The following DNAI7 variants were observed in gnomAD, a reference collection of about 807,000 sequenced individuals.
DNAI7 encodes cancer susceptibility 1.
In DNAI7, 78 loss-of-function variants were observed where a neutral mutation model predicts 86.6. The observed-to-expected ratio is 0.90, with a 90% confidence interval of 0.75 to 1.09. The LOEUF is 1.09. Among genes scored for constraint, DNAI7 ranks in the 50% least tolerant of loss-of-function variants. The pLI is 0.00. For synonymous variants in DNAI7, 274 were observed against 273.0 expected (o/e 1.00, Z -0.04); for missense variants, 753 against 810.2 (o/e 0.93, Z 0.86).
Position 25,149,663 on chromosome 12 carries a change from G to C in DNAI7, c.550C>G (p.Leu184Val). The C allele has an allele frequency of 6.2e-7, 1 of 1,607,354 alleles. No individual in the cohort carries two copies. The highest frequency in any genetic ancestry group is 8.5e-7 in the Non-Finnish European group (1 of 1,176,720). The stretch of plus-strand genomic sequence containing the variant: ...ATTTCTGTGGCTACACCGAATTTAA[G>C]ATGAAGGAGCTCCTGCAGTTGTAGT... ...SILQLQELLHLKFGVATEILL... is the reference protein window; with the variant it reads ...SILQLQELLHVKFGVATEILL... The change falls in exon 7 of 16, where the codon CTT (leucine) becomes GTT (valine). Residue 184 changes from leucine to valine, a missense_variant. Transcript: ENST00000395987.
In DNAI7 at chr12:25,114,713, TAC is replaced by T; in HGVS notation, c.1552_1553del (p.Val518LysfsTer2). The T allele has an allele frequency of 6.2e-7, 1 of 1,613,948 alleles. No individual in the cohort carries two copies. Among genetic ancestry groups the T allele is most frequent in the Non-Finnish European group, 8.5e-7 (1 of 1,179,828 alleles). On this transcript the variant is annotated frameshift_variant, in exon 13 of 16. Transcript: ENST00000395987. LOFTEE classifies it high-confidence loss of function. ...TAGTCACAGTTAAAAGTACTTTATT[TAC>T]ATCAAGTGGTCTTAGTTCCCATGAC... is the stretch of plus-strand genomic sequence containing the variant. ...YQSWELRPLD[V>X]NKVLLTVTTV... is the part of the protein sequence containing the mutation.
intron 6 of DNAI7, among the ~76,000 whole-genome samples, chr12:25,151,855 A>G (rs1355078423): frequency 1.3e-5 from 2 of 152,212 alleles, no homozygotes; most frequent in African/African-American, 4.8e-5. Flanking sequence ...TTTAGATTAA[A>G]TCTCGCAATG....
At chr12:25,174,602 A>C (rs147002183) in intron 2 of DNAI7, among the ~76,000 whole-genome samples, 6,177 of 108,928 alleles carry the variant, frequency 0.057, 1,042 homozygotes, top group East Asian at 0.19. Flanking sequence ...GGATATATAT[A>C]TGATATATAT....
At chr12:25,109,337 C>T (rs187127701) in intron 15 of DNAI7, among the ~76,000 whole-genome samples, 20 of 152,260 alleles carry the variant, frequency 1.3e-4, no homozygotes, top group Admixed American at 1.3e-3. Flanking sequence ...CTAACCCTCT[C>T]AGAGGAGAGG....
chr12:25,173,688 C>T (rs773864071), intron 2 of DNAI7, among the ~76,000 whole-genome samples: 4 of 151,726 alleles, frequency 2.6e-5, no homozygotes, highest in Non-Finnish European at 5.9e-5. Context: ...ATTGCAAAAT[C>T]GTGGAACCAA....
At chr12:25,178,136 T>C (rs1482615773) in intron 2 of DNAI7, among the ~76,000 whole-genome samples, 1 of 152,176 alleles carries the variant, frequency 6.6e-6, no homozygotes, top group Non-Finnish European at 1.5e-5. Flanking sequence ...TTAAGGAGTG[T>C]TCCCCCTTTT....
At chr12:25,116,139 A>T (rs1194353649) in intron 12 of DNAI7, among the ~76,000 whole-genome samples, 1 of 149,812 alleles carries the variant, frequency 6.7e-6, no homozygotes, top group Admixed American at 6.7e-5. Context: ...CAAATAAATG[A>T]ACCATTTTCT....
intron 2 of DNAI7, among the ~76,000 whole-genome samples, chr12:25,177,375 T>C (rs1304670553): frequency 6.6e-6 from 1 of 152,204 alleles, no homozygotes; most frequent in Admixed American, 6.5e-5. Context: ...TTCTACTTTG[T>C]CTATATGAGT....
intron 2 of DNAI7, among the ~76,000 whole-genome samples, chr12:25,165,724 A>C (rs1424022920): frequency 6.6e-6 from 1 of 151,992 alleles, no homozygotes; most frequent in Non-Finnish European, 1.5e-5. Context: ...ATCAATACGG[A>C]GCCTACCCAT....
intron 9 of DNAI7, among the ~76,000 whole-genome samples, chr12:25,135,760 G>A (rs1261083123): frequency 1.3e-5 from 2 of 151,498 alleles, no homozygotes; most frequent in African/African-American, 4.9e-5. Flanking sequence ...CGGCCTGTAT[G>A]ACACAGCAGA....
At chr12:25,157,277 C>CAAAAAAAAA (rs34695125) in intron 4 of DNAI7, among the ~76,000 whole-genome samples, 1 of 89,032 alleles carries the variant, frequency 1.1e-5, no homozygotes, top group African/African-American at 4.6e-5. Context: ...GACTCCGTCT[C>CAAAAAAAAA]AAAAAAAAAA....
intron 9 of DNAI7, among the ~76,000 whole-genome samples, chr12:25,133,964 T>C (rs778666561): frequency 2.0e-5 from 3 of 152,200 alleles, no homozygotes; most frequent in Non-Finnish European, 2.9e-5. Flanking sequence ...CTGATCTTTA[T>C]TTGAGGTTTC....
chr12:25,133,969 G>A (rs1943234677), intron 9 of DNAI7, among the ~76,000 whole-genome samples: 1 of 152,070 alleles, frequency 6.6e-6, no homozygotes, highest in African/African-American at 2.4e-5. Context: ...CTTTATTTGA[G>A]GTTTCTTGGA....
At chr12:25,181,492 T>G (rs1949498435) in intron 2 of DNAI7, among the ~76,000 whole-genome samples, 1 of 152,102 alleles carries the variant, frequency 6.6e-6, no homozygotes, top group South Asian at 2.1e-4. Flanking sequence ...GGCAAATAAT[T>G]TATAACTAAG....
intron 2 of DNAI7, among the ~76,000 whole-genome samples, chr12:25,165,091 G>A (rs1323000299): frequency 6.6e-6 from 1 of 152,072 alleles, no homozygotes; most frequent in East Asian, 1.9e-4. Context: ...CAGCAACCCT[G>A]GGATGCTTTA....
At chr12:25,157,172 G>A (rs1004513747) in intron 4 of DNAI7, among the ~76,000 whole-genome samples, 30 of 151,806 alleles carry the variant, frequency 2.0e-4, no homozygotes, top group Non-Finnish European at 3.8e-4. Flanking sequence ...CAGCTACTCG[G>A]GAGGCTGAGG....
intron 13 of DNAI7, among the ~76,000 whole-genome samples, chr12:25,112,673 T>C (rs1453003267): frequency 6.6e-6 from 1 of 152,176 alleles, no homozygotes; most frequent in Non-Finnish European, 1.5e-5. Flanking sequence ...CCTAAAGCGC[T>C]GGGATTACAG....
In DNAI7 at chr12:25,174,878, G is replaced by C. The variant is rs1026845552; in HGVS notation, c.22-13681C>G. On this transcript the variant is annotated intron_variant, in intron 2 of 15. Transcript: ENST00000395987. The stretch of plus-strand genomic sequence containing the variant: ...ACTCAGGAATGGAAAACCAAATATT[G>C]TATGTTCTCACTGATGTGTGGGAGC... Among the ~76,000 whole-genome samples, 10 of 151,516 alleles carry C rather than the reference G, an allele frequency of 6.6e-5. No individual in the cohort carries two copies. The East Asian group carries it at 1.7e-3, about 26-fold the overall frequency.
intron 2 of DNAI7, among the ~76,000 whole-genome samples, chr12:25,169,343 C>T (rs1428438069): frequency 6.6e-6 from 1 of 152,094 alleles, no homozygotes; most frequent in African/African-American, 2.4e-5. Context: ...TAGAGAACAA[C>T]CCCCCTTTGA....
Sources: gnomAD v4.1 joint callset for allele counts (sites outside exome capture counted in the v4.1 genomes callset) on GRCh38, gnomAD v4.1.1 for gene constraint, MANE v1.5 for transcripts, NCBI Gene and HGNC (gene_info 2026-07-23, HGNC 2026-07-21) for gene names.